The following MACC1 variants were observed in gnomAD, a reference collection of about 807,000 sequenced individuals.
MACC1 encodes the protein metastasis-associated in colon cancer protein 1.
In MACC1, 79 loss-of-function variants were observed where a neutral mutation model predicts 70.7. The observed-to-expected ratio is 1.12, with a 90% CI of 0.93 to 1.35. MACC1 has a LOEUF of 1.35. Ranked by LOEUF, MACC1 falls within the 40% of genes most tolerant of loss-of-function variation. The pLI is 0.00. For missense variants in MACC1, 1,106 were observed against 978.1 expected (o/e 1.13, Z -1.74); for synonymous variants, 361 against 347.2 (o/e 1.04, Z -0.44).
At chr7:20,154,408 T>C (rs1408991052) in intron 5 of MACC1, 27 bp from the exon 6 acceptor site, 5 of 1,597,432 alleles carry the variant, frequency 3.1e-6, no homozygotes, top group Middle Eastern at 1.7e-4. Flanking sequence ...ATGTCACAAT[T>C]AAAAGCAACT....
intron 1 of MACC1, among the ~76,000 whole-genome samples, chr7:20,205,670 A>G (rs1782900804): frequency 6.6e-6 from 1 of 152,044 alleles, no homozygotes; most frequent in Non-Finnish European, 1.5e-5. Context: ...ATATCTGTTT[A>G]TTTAAACATT....
chr7:20,138,882 C>T lies in MACC1; in HGVS notation c.*2064G>A, dbSNP rs1781757279. The T allele has an allele frequency of 6.6e-6, 1 of 152,172 alleles. No individual in the cohort carries two copies. The highest frequency in any genetic ancestry group is 6.5e-5 in the Admixed American group (1 of 15,278). The allele number at this position is 152,172 out of a possible 1,614,324, so 9.4% of individuals were successfully genotyped here. A position where few individuals can be genotyped will look rare whatever the true frequency, so the allele number is the denominator to read the frequency against. ...AGAGACGGGGTTTCACCGCGTTAGC[C>T]AGGATGGTCTCGATCTCCTGACCTA... On this transcript the variant is annotated 3_prime_UTR_variant, in exon 7 of 7. Coordinates refer to ENST00000400331, the MANE Select transcript of MACC1 (RefSeq NM_182762.4).
At chr7:20,174,847 T>TA (rs1458898264) in intron 1 of MACC1, among the ~76,000 whole-genome samples, 14 of 152,190 alleles carry the variant, frequency 9.2e-5, no homozygotes, top group African/African-American at 2.2e-4. Flanking sequence ...CCTTAAATTT[T>TA]AAAAAAATGT....
rs1781705016 is a variant in MACC1 at position 20,135,292 on chromosome 7, A to G, written c.*5654T>C. Reference sequence around the variant, plus strand: ...ACACAGAGATTTTAATTAGTTTCACAGTCAAAATTATTTTTGTAGGCCTTT... The same window carrying G: ...ACACAGAGATTTTAATTAGTTTCACGGTCAAAATTATTTTTGTAGGCCTTT... On this transcript the variant is annotated 3_prime_UTR_variant, in exon 7 of 7. Transcript: ENST00000400331. 6.6e-6 allele frequency: 1 copy of G among 152,254 alleles called. No homozygotes were observed. The highest frequency in any genetic ancestry group is 6.5e-5 in the Admixed American group (1 of 15,278). 9.4% of individuals were successfully genotyped at this position (152,254 alleles called of 1,614,324 possible).
At chr7:20,175,392 G>A (rs1583397080) in intron 1 of MACC1, among the ~76,000 whole-genome samples, 1 of 151,800 alleles carries the variant, frequency 6.6e-6, no homozygotes, top group Admixed American at 6.6e-5. Context: ...TCTTTTTCAT[G>A]GATCATCAAC....
At position 20,158,889 on chromosome 7, in the gene MACC1, G is replaced by C. The variant is rs920762624; in HGVS notation, c.1472C>G (p.Pro491Arg). 1 of 1,613,902 alleles carries C rather than the reference G, an allele frequency of 6.2e-7. No individual in the cohort carries two copies. The highest frequency in any genetic ancestry group is 8.5e-7 in the Non-Finnish European group (1 of 1,180,022). ...CTGTGCAACTGGTTCACCATTGGGA[G>C]GCTCCACTTGAACACAAAAATCAAA... is the stretch of plus-strand genomic sequence containing the variant. ...HLFDFCVQVEPPNGEPVAQFS... is the reference protein window; with the variant it reads ...HLFDFCVQVERPNGEPVAQFS... The change falls in exon 5 of 7, where the codon CCT becomes CGT. Residue 491 changes from proline to arginine, a missense_variant. Pro to Arg is a moderately radical substitution (Grantham distance 103). Transcript: ENST00000400331.
At position 20,188,130 on chromosome 7, in the gene MACC1, G is replaced by T. The variant is rs6956971; in HGVS notation, c.-217-17352C>A. Among the ~76,000 whole-genome samples, 5 of 152,062 alleles carry T rather than the reference G, an allele frequency of 3.3e-5. No individual in the cohort carries two copies. In the East Asian group the frequency reaches 9.6e-4, roughly 29 times the overall value. ...GACAACTCACTCACTATCTCAAGAA[G>T]AGCACAGGAAAAACCATCCCCATGA... On this transcript the variant is annotated intron_variant, in intron 1 of 6. Transcript: ENST00000400331.
At chr7:20,216,921 T>C (rs1327158904) in intron 1 of MACC1, among the ~76,000 whole-genome samples, 1 of 152,200 alleles carries the variant, frequency 6.6e-6, no homozygotes, top group East Asian at 1.9e-4. Flanking sequence ...AAGCACAGTC[T>C]TTTTAACATA....
Position 20,215,078 on chromosome 7 carries a change from G to GTTTATTTA in MACC1, c.-218+2213_-218+2220dup, listed in dbSNP as rs10604824. Among the ~76,000 whole-genome samples, 1,016 of 147,370 alleles carry GTTTATTTA rather than the reference G, an allele frequency of 6.9e-3. 5 individuals are homozygous for GTTTATTTA. Among genetic ancestry groups the GTTTATTTA allele is most frequent in the Middle Eastern group, 0.038 (11 of 288 alleles). ...TCTGAATGACTCATATACATCTCAA[G>GTTTATTTA]TTTATTTATTTATTTATTTATTTAT... On this transcript the variant is annotated intron_variant, in intron 1 of 6. Coordinates refer to ENST00000400331, the MANE Select transcript of MACC1 (RefSeq NM_182762.4).
chr7:20,159,931 G>C lies in MACC1; in HGVS notation c.430C>G (p.Leu144Val). 6.2e-7 allele frequency: 1 copy of C among 1,614,132 alleles called. No individual in the cohort carries two copies. The highest frequency in any genetic ancestry group is 8.5e-7 in the Non-Finnish European group (1 of 1,180,014). Residue 144 changes from leucine (L) to valine (V), a missense_variant, in exon 5 of 7, where the codon CTG (leucine) becomes GTG (valine). Leu to Val is a conservative substitution (Grantham distance 32). Coordinates refer to ENST00000400331, the MANE Select transcript of MACC1 (RefSeq NM_182762.4). Reference sequence around the variant, plus strand: ...TGTGCTGTGTCGTCTAAAATGTCCAGAAGTTCTGAAACACTTTTAGATCTT... The same window carrying C: ...TGTGCTGTGTCGTCTAAAATGTCCACAAGTTCTGAAACACTTTTAGATCTT... ...SGRSKSVSEL[L>V]DILDDTAHAH...
Position 20,139,068 on chromosome 7 carries a change from C to T in MACC1, c.*1878G>A, listed in dbSNP as rs939817301. 1 of 152,132 alleles carries T rather than the reference C, an allele frequency of 6.6e-6. No homozygotes were observed. Among genetic ancestry groups the T allele is most frequent in the Non-Finnish European group, 1.5e-5 (1 of 68,004 alleles). The allele number at this position is 152,132 out of a possible 1,614,324, so 9.4% of individuals were successfully genotyped here. A position where few individuals can be genotyped will look rare whatever the true frequency, so the allele number is the denominator to read the frequency against. On this transcript the variant is annotated 3_prime_UTR_variant, in exon 7 of 7. Coordinates refer to ENST00000400331, the MANE Select transcript of MACC1 (RefSeq NM_182762.4). ...AAGCCCTAAAAAGATTCTGCTTTTA[C>T]TTTTTAGCCAAATGGACATCTTTTA...
intron 1 of MACC1, among the ~76,000 whole-genome samples, chr7:20,195,807 G>GA (rs1782743215): frequency 6.6e-6 from 1 of 152,176 alleles, no homozygotes; most frequent in Non-Finnish European, 1.5e-5. Context: ...TAGAAAAAAA[G>GA]AAAAAACTTG....
At chr7:20,144,891 A>G (rs1233569541) in intron 6 of MACC1, among the ~76,000 whole-genome samples, 1 of 152,214 alleles carries the variant, frequency 6.6e-6, no homozygotes, top group East Asian at 1.9e-4. Flanking sequence ...AATAGACGCA[A>G]TAAAAGGATG....
In MACC1 at chr7:20,156,167, A is replaced by C. The variant is rs145283649; in HGVS notation, c.2158-1786T>G. Among the ~76,000 whole-genome samples the C allele has an allele frequency of 9.3e-4, 141 of 152,282 alleles. 1 individual carries two copies. Among genetic ancestry groups the C allele is most frequent in the African/African-American group, 3.3e-3 (136 of 41,560 alleles). ...AGCTTATCGGGTCGCTCCCTGCCAC[A>C]CCAAATCAATATACAATCCTAGAAA... On this transcript the variant is annotated intron_variant, in intron 5 of 6. Coordinates refer to ENST00000400331, the MANE Select transcript of MACC1 (RefSeq NM_182762.4).
At chr7:20,151,431 G>T (rs146350474) in intron 6 of MACC1, among the ~76,000 whole-genome samples, 93 of 152,274 alleles carry the variant, frequency 6.1e-4, no homozygotes, top group African/African-American at 2.1e-3. Flanking sequence ...TGACATCTTT[G>T]TATAGTGTAA....
At chr7:20,189,222 C>G (rs143973100) in intron 1 of MACC1, among the ~76,000 whole-genome samples, 104 of 152,222 alleles carry the variant, frequency 6.8e-4, no homozygotes, top group African/African-American at 2.4e-3. Flanking sequence ...ACTTCTCTGC[C>G]TTATTTTTCT....
Position 20,187,974 on chromosome 7 carries a change from C to T in MACC1, c.-217-17196G>A, listed in dbSNP as rs187633316. Among the ~76,000 whole-genome samples the T allele has an allele frequency of 2.0e-4, 31 of 152,222 alleles. 1 individual carries two copies. Among genetic ancestry groups the T allele is most frequent in the South Asian group, 1.7e-3 (8 of 4,826 alleles). ...GGTTTAATTGACTCACAGTTCTGCACGGCTGGGGAGGCCTCGGGAAACTTA... is the reference window on the plus strand; with the variant it reads ...GGTTTAATTGACTCACAGTTCTGCATGGCTGGGGAGGCCTCGGGAAACTTA... On this transcript the variant is annotated intron_variant, in intron 1 of 6. Transcript: ENST00000400331.
intron 1 of MACC1, among the ~76,000 whole-genome samples, chr7:20,174,098 C>A (rs1021894778): frequency 3.3e-5 from 5 of 152,166 alleles, no homozygotes; most frequent in Middle Eastern, 3.2e-3. Flanking sequence ...ATCACAGGGA[C>A]TTTCTCAATC....
intron 1 of MACC1, among the ~76,000 whole-genome samples, chr7:20,180,472 G>A (rs1453371721): frequency 1.3e-5 from 2 of 151,620 alleles, no homozygotes; most frequent in Non-Finnish European, 2.9e-5. Flanking sequence ...AAAAAAAAAT[G>A]TATAGGCTTA....
Sources: gnomAD v4.1 joint callset for allele counts (sites outside exome capture counted in the v4.1 genomes callset) on GRCh38, gnomAD v4.1.1 for gene constraint, MANE v1.5 for transcripts, NCBI Gene and HGNC (gene_info 2026-07-23, HGNC 2026-07-21) for gene names.